EFCAB6: variants seen among roughly 807,000 people sequenced by gnomAD.
EFCAB6 encodes the protein EF-hand calcium binding domain 6, also known as EF-hand calcium-binding domain-containing protein 6.
EFCAB6 carries 156 observed loss-of-function variants against 169.8 expected under a neutral mutation model. The observed-to-expected ratio is 0.92, with a 90% CI of 0.81 to 1.05. The LOEUF (loss-of-function observed/expected upper bound fraction) is 1.05. Among genes scored for constraint, EFCAB6 ranks in the 50% least tolerant of loss-of-function variants. The probability of loss-of-function intolerance (pLI) is 0.00; values close to 1 mark genes in which losing one functional copy is unlikely to be tolerated. For missense variants in EFCAB6, 1,800 were observed against 1,829.1 expected (o/e 0.98, Z 0.29); for synonymous variants, 698 against 676.4 (o/e 1.03, Z -0.50).
At chr22:43,725,134 CTTT>C (rs33983375) in intron 8 of EFCAB6, among the ~76,000 whole-genome samples, 66 of 94,684 alleles carry the variant, frequency 7.0e-4, no homozygotes, top group Admixed American at 1.6e-3. Flanking sequence ...GCCAAACTGG[CTTT>C]TTTTTTTTTT....
intron 26 of EFCAB6, among the ~76,000 whole-genome samples, chr22:43,564,697 G>A (rs2049311788): frequency 6.6e-6 from 1 of 152,176 alleles, no homozygotes; most frequent in Non-Finnish European, 1.5e-5. Flanking sequence ...ATTGTTGTTA[G>A]TTCACGTTCG....
At chr22:43,808,482 A>C (rs751483789) in intron 2 of EFCAB6, among the ~76,000 whole-genome samples, 1 of 152,228 alleles carries the variant, frequency 6.6e-6, no homozygotes, top group Non-Finnish European at 1.5e-5. Context: ...AGCACTTCTC[A>C]AAAGGCAGGT....
intron 1 of EFCAB6, among the ~76,000 whole-genome samples, chr22:43,811,339 A>C (rs2063115853): frequency 9.8e-6 from 1 of 101,734 alleles, no homozygotes; most frequent in Admixed American, 1.2e-4. Flanking sequence ...AGGGGAGGAG[A>C]GAGGAGGGGA....
chr22:43,675,467 T>C lies in EFCAB6; in HGVS notation c.1419+2529A>G, dbSNP rs867895939. Reference sequence around the variant, plus strand: ...ATATAGTATAATATATGATATAATATATAATATAATATGTAATATTATATA... The same window carrying C: ...ATATAGTATAATATATGATATAATACATAATATAATATGTAATATTATATA... On this transcript the variant is annotated intron_variant, in intron 13 of 31. Transcript: ENST00000262726. Among the ~76,000 whole-genome samples the C allele has an allele frequency of 2.0e-3, 280 of 137,530 alleles. 2 individuals are homozygous for C. Among genetic ancestry groups the C allele is most frequent in the African/African-American group, 7.5e-3 (270 of 35,798 alleles). The allele number at this position is 137,530 out of a possible 152,430, so 90.2% of individuals were successfully genotyped here.
chr22:43,679,042 A>G (rs2057895851), intron 12 of EFCAB6, among the ~76,000 whole-genome samples: 1 of 152,188 alleles, frequency 6.6e-6, no homozygotes, highest in African/African-American at 2.4e-5. Flanking sequence ...ACTGACAGCT[A>G]AACTTTAAGT....
intron 5 of EFCAB6, among the ~76,000 whole-genome samples, chr22:43,756,645 G>T (rs2060968876): frequency 6.6e-6 from 1 of 152,132 alleles, no homozygotes; most frequent in Admixed American, 6.5e-5. Flanking sequence ...GCCTGTACTG[G>T]TGACAGTGAC....
chr22:43,803,617 A>C (rs2062811326), intron 2 of EFCAB6, among the ~76,000 whole-genome samples: 1 of 152,204 alleles, frequency 6.6e-6, no homozygotes, highest in South Asian at 2.1e-4. Flanking sequence ...CAGCAAGAGG[A>C]TATAACAATT....
Position 43,537,497 on chromosome 22 carries a change from A to G in EFCAB6, c.3928T>C (p.Cys1310Arg). Residue 1310 changes from cysteine to arginine, a missense_variant, in exon 29 of 32, where the codon TGT (cysteine) becomes CGT (arginine). Physicochemically the swap from Cys to Arg is radical, Grantham distance 180. Coordinates refer to ENST00000262726, the MANE Select transcript of EFCAB6 (RefSeq NM_022785.4). The surrounding 1 kb of genome is among the most constrained non-coding windows in gnomAD (Gnocchi z 4.3). ...CGGAGCCTGCTCTCTATGGGATCAC[A>G]GTTCTGCAAGGGTGGAGTGCCCGGG... ...VIPGTPPLQN[C>R]DPIESRLRKR... is the part of the protein sequence containing the mutation. 2.5e-6 allele frequency: 4 copies of G among 1,613,778 alleles called. No homozygotes were observed. The East Asian group carries it at 6.7e-5, about 27-fold the overall frequency.
At chr22:43,623,707 AAC>A (rs2054271673) in intron 20 of EFCAB6, among the ~76,000 whole-genome samples, 1 of 148,962 alleles carries the variant, frequency 6.7e-6, no homozygotes, top group African/African-American at 2.5e-5. Flanking sequence ...CATCCTGGCT[AAC>A]ATAGTGAAAC....
intron 24 of EFCAB6, among the ~76,000 whole-genome samples, chr22:43,582,708 G>T (rs2050808078): frequency 6.6e-6 from 1 of 152,126 alleles, no homozygotes; most frequent in Non-Finnish European, 1.5e-5. Flanking sequence ...TGTGGCAGGG[G>T]GTGGGAGGGC....
chr22:43,753,238 T>A (rs1440280302), intron 6 of EFCAB6, among the ~76,000 whole-genome samples: 2 of 152,046 alleles, frequency 1.3e-5, no homozygotes, highest in East Asian at 3.9e-4. Context: ...CAACAGCCAG[T>A]CCAGGAGATG....
chr22:43,719,361 T>C (rs2147466279), intron 8 of EFCAB6, among the ~76,000 whole-genome samples: 1 of 152,330 alleles, frequency 6.6e-6, no homozygotes, highest in East Asian at 1.9e-4. Context: ...GCGGTTTATG[T>C]TCACTGCAGG....
intron 17 of EFCAB6, among the ~76,000 whole-genome samples, chr22:43,638,412 T>C (rs1194541950): frequency 6.6e-6 from 1 of 152,214 alleles, no homozygotes; most frequent in Non-Finnish European, 1.5e-5. Context: ...ATTTACCAGA[T>C]AGTCGTCACT....
At chr22:43,608,114 T>C (rs1048564186) in intron 22 of EFCAB6, among the ~76,000 whole-genome samples, 4 of 152,210 alleles carry the variant, frequency 2.6e-5, no homozygotes, top group Non-Finnish European at 5.9e-5. Context: ...CCTTTACCCA[T>C]TGCATATCTG....
intron 8 of EFCAB6, among the ~76,000 whole-genome samples, chr22:43,726,626 A>G (rs1263752253): frequency 1.3e-5 from 2 of 152,262 alleles, no homozygotes; most frequent in East Asian, 3.9e-4. Context: ...GAATTGGAAA[A>G]CAGAGTTCAG....
chr22:43,741,192 C>A (rs2060356755), intron 6 of EFCAB6, among the ~76,000 whole-genome samples: 1 of 152,172 alleles, frequency 6.6e-6, no homozygotes, highest in South Asian at 2.1e-4. Flanking sequence ...TGTGCACACC[C>A]CACCCCCTCC....
At chr22:43,723,319 A>G (rs532701853) in intron 8 of EFCAB6, among the ~76,000 whole-genome samples, 44 of 152,288 alleles carry the variant, frequency 2.9e-4, no homozygotes, top group African/African-American at 1.0e-3. Flanking sequence ...AGGGCCTACT[A>G]GAGGAGGAGA....
intron 21 of EFCAB6, among the ~76,000 whole-genome samples, chr22:43,610,421 A>C (rs2147649134): frequency 6.6e-6 from 1 of 152,334 alleles, no homozygotes; most frequent in Non-Finnish European, 1.5e-5. Flanking sequence ...GACCAAGTGA[A>C]TATACTCAAT....
At chr22:43,639,259 A>G (rs538913919) in intron 17 of EFCAB6, among the ~76,000 whole-genome samples, 10 of 152,310 alleles carry the variant, frequency 6.6e-5, no homozygotes, top group Non-Finnish European at 8.8e-5. Context: ...AAGTCTTCCT[A>G]GTATCAAATT....
Sources: allele counts gnomAD v4.1 joint callset (sites outside exome capture counted in the v4.1 genomes callset), GRCh38; gene constraint gnomAD v4.1.1; non-coding constraint Gnocchi (gnomAD v3.1); transcripts MANE v1.5; gene names NCBI Gene and HGNC (gene_info 2026-07-23, HGNC 2026-07-21).